Variants in PCDHGB4 observed in about 807,000 individuals in gnomAD.
PCDHGB4 encodes the protein protocadherin gamma-B4.
A neutral mutation model predicts 60.5 loss-of-function variants in PCDHGB4; 38 were observed. The observed-to-expected ratio is 0.63, with a 90% CI of 0.48 to 0.82. PCDHGB4 has a LOEUF of 0.82. PCDHGB4 is among the 40% of genes least tolerant of loss of function. The pLI is 0.00. For synonymous variants in PCDHGB4, 456 were observed against 509.7 expected (o/e 0.89, Z 1.42); for missense variants, 1,109 against 1,209.6 (o/e 0.92, Z 1.23).
chr5:141,490,417 C>A lies in PCDHGB4; in HGVS notation c.2398-4390C>A, dbSNP rs767996336. ...AGTGAGCCTTGATATCTCTCCGGAC[C>A]TGCCATTTCAGATTAAGCCTTCTGA... On this transcript the variant is annotated intron_variant, in intron 1 of 3. Transcript: ENST00000519479. The surrounding 1 kb of genome is among the most constrained non-coding windows in gnomAD (Gnocchi z 5.4). 4.3e-6 allele frequency: 7 copies of A among 1,614,196 alleles called. No homozygotes were observed. In the South Asian group the frequency reaches 7.7e-5, roughly 18 times the overall value.
intron 1 of PCDHGB4, among the ~76,000 whole-genome samples, chr5:141,437,686 G>A (rs1025629140): frequency 2.6e-5 from 4 of 151,740 alleles, no homozygotes; most frequent in African/African-American, 9.7e-5. Flanking sequence ...AACTGATGAG[G>A]CTAAATCTCA....
intron 1 of PCDHGB4, chr5:141,422,116 T>G (rs753281558): frequency 1.2e-6 from 2 of 1,604,612 alleles, no homozygotes; most frequent in African/African-American, 1.3e-5. Flanking sequence ...CCAATTGGAT[T>G]CACAAACTGG....
rs144804989 is a variant in PCDHGB4 at position 141,489,791 on chromosome 5, C to T, written c.2398-5016C>T. 1.9e-6 allele frequency: 3 copies of T among 1,614,056 alleles called. No individual in the cohort carries two copies. Among genetic ancestry groups the T allele is most frequent in the Admixed American group, 1.7e-5 (1 of 60,010 alleles). Reference sequence around the variant, plus strand: ...AGCCACTTCTCTCTGAATGTGAAGACCCTAAAAGATGGGAAGCCATTCCCA... The same window carrying T: ...AGCCACTTCTCTCTGAATGTGAAGATCCTAAAAGATGGGAAGCCATTCCCA... On this transcript the variant is annotated intron_variant, in intron 1 of 3. Transcript: ENST00000519479. This position sits in a 1 kb window ranked among gnomAD's most constrained non-coding sequence, Gnocchi z 4.5.
In PCDHGB4 at chr5:141,388,074, C is replaced by T. The variant is rs770542956; in HGVS notation, c.190C>T (p.Arg64Ter). 1.6e-5 allele frequency: 22 copies of T among 1,363,892 alleles called. No homozygotes were observed. In the South Asian group the frequency reaches 2.8e-4, roughly 17 times the overall value. 84.5% of individuals were successfully genotyped at this position (1,363,892 alleles called of 1,614,324 possible). The change falls in exon 1 of 4, where the codon CGA becomes TGA. Residue 64 changes from arginine (R) to a stop codon, truncating the protein, a stop_gained. Transcript: ENST00000519479. LOFTEE classifies it high-confidence loss of function. ...LGFSVQELPT[R>*]KLRVSSEKPY... ...GTTCAGCGTCCAGGAGTTACCGACT[C>T]GAAAACTGCGCGTCAGTTCGGAGAA...
At chr5:141,482,901 A>G (rs192886570) in intron 1 of PCDHGB4, among the ~76,000 whole-genome samples, 1 of 152,122 alleles carries the variant, frequency 6.6e-6, no homozygotes, top group Admixed American at 6.6e-5. Context: ...GTGAAACCTC[A>G]TCTCTATTAA....
Position 141,431,303 on chromosome 5 carries a change from G to A in PCDHGB4, c.2397+41022G>A, listed in dbSNP as rs777784010. 2 of 1,613,942 alleles carry A rather than the reference G, an allele frequency of 1.2e-6. No homozygotes were observed. The highest frequency in any genetic ancestry group is 2.7e-5 in the African/African-American group (2 of 74,916). ...CCCGAACACTCACTTCTCCCTCATC[G>A]TGCAAAATGGAGCCGACGGTAGTAA... On this transcript the variant is annotated intron_variant, in intron 1 of 3. Transcript: ENST00000519479. The surrounding 1 kb of genome is among the most constrained non-coding windows in gnomAD (Gnocchi z 4.8).
Position 141,487,500 on chromosome 5 carries a change from C to G in PCDHGB4, c.2398-7307C>G. 6.2e-7 allele frequency: 1 copy of G among 1,614,178 alleles called. No individual in the cohort carries two copies. Among genetic ancestry groups the G allele is most frequent in the East Asian group, 2.2e-5 (1 of 44,862 alleles). Reference sequence around the variant, plus strand: ...CACTCTCATGGCTGTACACCCTTGGCTTCTGCACCCACTCGGAGTGATAGC... The same window carrying G: ...CACTCTCATGGCTGTACACCCTTGGGTTCTGCACCCACTCGGAGTGATAGC... On this transcript the variant is annotated intron_variant, in intron 1 of 3. Coordinates refer to ENST00000519479, the MANE Select transcript of PCDHGB4 (RefSeq NM_003736.4). The surrounding 1 kb of genome is among the most constrained non-coding windows in gnomAD (Gnocchi z 5.0).
rs1374129511 is a variant in PCDHGB4, at chr5:141,389,233, T to C, written c.1349T>C (p.Phe450Ser). ...IGDVNDNAPV[F>S]SQSSYIVHVA... Reference sequence around the variant, plus strand: ...GATGTAAATGACAACGCTCCGGTTTTCTCACAGTCTTCCTATATAGTCCAC... The same window carrying C: ...GATGTAAATGACAACGCTCCGGTTTCCTCACAGTCTTCCTATATAGTCCAC... Residue 450 changes from phenylalanine (F) to serine (S), a missense_variant, in exon 1 of 4, where the codon TTC becomes TCC. Coordinates refer to ENST00000519479, the MANE Select transcript of PCDHGB4 (RefSeq NM_003736.4). 6.2e-7 allele frequency: 1 copy of C among 1,613,926 alleles called. No individual in the cohort carries two copies. The highest frequency in any genetic ancestry group is 8.5e-7 in the Non-Finnish European group (1 of 1,179,908).
chr5:141,485,632 G>T lies in PCDHGB4; in HGVS notation c.2398-9175G>T. The T allele has an allele frequency of 6.2e-7, 1 of 1,611,766 alleles. No homozygotes were observed. Among genetic ancestry groups the T allele is most frequent in the Non-Finnish European group, 8.5e-7 (1 of 1,178,342 alleles). The stretch of plus-strand genomic sequence containing the variant: ...CAGCTCCTCCAGGACAGCGTTTCCC[G>T]TTGGAAAAGGCTCAGGATGCAGATG... On this transcript the variant is annotated intron_variant, in intron 1 of 3. Coordinates refer to ENST00000519479, the MANE Select transcript of PCDHGB4 (RefSeq NM_003736.4). This position sits in a 1 kb window ranked among gnomAD's most constrained non-coding sequence, Gnocchi z 5.7.
intron 1 of PCDHGB4, chr5:141,416,166 T>C (rs2096001393): frequency 6.5e-6 from 1 of 152,744 alleles, no homozygotes; most frequent in Admixed American, 6.5e-5. Flanking sequence ...CAGTTGAATA[T>C]ACTAAGTTTT....
chr5:141,428,145 A>G (rs748256830), intron 1 of PCDHGB4: 10 of 1,592,574 alleles, frequency 6.3e-6, no homozygotes, highest in African/African-American at 1.3e-5. Context: ...GGGGCTGCAC[A>G]CGGGAACCTG....
rs978782104 is a variant in PCDHGB4 at position 141,431,445 on chromosome 5, G to C, written c.2397+41164G>C. 1 of 1,613,742 alleles carries C rather than the reference G, an allele frequency of 6.2e-7. No homozygotes were observed. On this transcript the variant is annotated intron_variant, in intron 1 of 3. Transcript: ENST00000519479. This position sits in a 1 kb window ranked among gnomAD's most constrained non-coding sequence, Gnocchi z 4.8. ...GTGCGCACAGGCACCGCGCGCATCC[G>C]CGTGATGGTTCTGGATGCGAACGAC...
chr5:141,439,410 A>T (rs2098110832), intron 1 of PCDHGB4, among the ~76,000 whole-genome samples: 1 of 152,220 alleles, frequency 6.6e-6, no homozygotes, highest in African/African-American at 2.4e-5. Context: ...TGCTAACATC[A>T]CTGAGGTTAT....
Position 141,477,413 on chromosome 5 carries a change from G to A in PCDHGB4, c.2398-17394G>A. ...CCTCAGCATCACCGCCCGAGACGCC[G>A]GAACCCCTTCCCTCTCAGCCCTTAC... On this transcript the variant is annotated intron_variant, in intron 1 of 3. Transcript: ENST00000519479. This position sits in a 1 kb window ranked among gnomAD's most constrained non-coding sequence, Gnocchi z 4.9. 1 of 1,614,080 alleles carries A rather than the reference G, an allele frequency of 6.2e-7. No individual in the cohort carries two copies. Among genetic ancestry groups the A allele is most frequent in the Non-Finnish European group, 8.5e-7 (1 of 1,180,026 alleles).
chr5:141,422,719 CA>C (rs2096667277), intron 1 of PCDHGB4: 1 of 1,604,786 alleles, frequency 6.2e-7, no homozygotes, highest in Admixed American at 1.7e-5. Flanking sequence ...TGACACTGTC[CA>C]GGGGGTGCCT....
chr5:141,485,278 C>T lies in PCDHGB4; in HGVS notation c.2398-9529C>T. On this transcript the variant is annotated intron_variant, in intron 1 of 3. Transcript: ENST00000519479. The surrounding 1 kb of genome is among the most constrained non-coding windows in gnomAD (Gnocchi z 5.7). ...TTTGTGGGCAGATCCGCTACCCGGTCCCAGAGGAGTCACAGGAAGGGACTT... is the reference window on the plus strand; with the variant it reads ...TTTGTGGGCAGATCCGCTACCCGGTTCCAGAGGAGTCACAGGAAGGGACTT... 1 of 1,614,064 alleles carries T rather than the reference C, an allele frequency of 6.2e-7. No homozygotes were observed. The highest frequency in any genetic ancestry group is 1.1e-5 in the South Asian group (1 of 91,080).
chr5:141,394,353 C>G (rs759128487), intron 1 of PCDHGB4: 11 of 1,614,178 alleles, frequency 6.8e-6, no homozygotes, highest in East Asian at 4.5e-5. Flanking sequence ...CACCGGTGTC[C>G]TGTATGCGCT....
At position 141,490,155 on chromosome 5, in the gene PCDHGB4, G is replaced by A. The variant is rs753981059; in HGVS notation, c.2398-4652G>A. On this transcript the variant is annotated intron_variant, in intron 1 of 3. Transcript: ENST00000519479. This position sits in a 1 kb window ranked among gnomAD's most constrained non-coding sequence, Gnocchi z 5.4. ...CTAGCAGTGGGGCAATCCATGTGTT[G>A]GGTCCCATAGACTTTGAGGAGTCAC... 2 of 1,614,214 alleles carry A rather than the reference G, an allele frequency of 1.2e-6. No individual in the cohort carries two copies. The highest frequency in any genetic ancestry group is 1.1e-5 in the South Asian group (1 of 91,086).
Position 141,476,351 on chromosome 5 carries a change from G to C in PCDHGB4, c.2398-18456G>C. On this transcript the variant is annotated intron_variant, in intron 1 of 3. Transcript: ENST00000519479. This position sits in a 1 kb window ranked among gnomAD's most constrained non-coding sequence, Gnocchi z 7.6. ...TGGAGCTAGCCGAAGATTCTTTGAG[G>C]TGAACCGGGAGACCGGAGAGATGTT... 3 of 1,614,182 alleles carry C rather than the reference G, an allele frequency of 1.9e-6. No homozygotes were observed. Among genetic ancestry groups the C allele is most frequent in the Non-Finnish European group, 2.5e-6 (3 of 1,180,046 alleles).
Sources: gnomAD v4.1 joint callset for allele counts (sites outside exome capture counted in the v4.1 genomes callset) on GRCh38, gnomAD v4.1.1 for gene constraint, Gnocchi (gnomAD v3.1) non-coding constraint, MANE v1.5 for transcripts, NCBI Gene and HGNC (gene_info 2026-07-23, HGNC 2026-07-21) for gene names.